BICRA: variants seen among roughly 807,000 people sequenced by gnomAD.
BICRA encodes the protein BRD4 interacting chromatin remodeling complex associated protein.
Under a neutral mutation model 96.9 loss-of-function variants are expected in BICRA, and 31 were observed. The ratio of observed to expected loss-of-function variants is 0.32; its 90% CI spans 0.24 to 0.43. The LOEUF (loss-of-function observed/expected upper bound fraction) is 0.43. Ranked by LOEUF, BICRA falls within the 20% of genes least tolerant of loss-of-function variation. The pLI is 1.00. For missense variants in BICRA, 2,283 were observed against 2,190.3 expected (o/e 1.04, Z -0.84); for synonymous variants, 1,350 against 1,071.8 (o/e 1.26, Z -5.07).
intron 2 of BICRA, among the ~76,000 whole-genome samples, chr19:47,671,798 G>T (rs1479020710): frequency 6.8e-6 from 1 of 146,454 alleles, no homozygotes; most frequent in African/African-American, 2.5e-5. Context: ...ATGGAGGGAT[G>T]GGTAGCTAGA....
intron 1 of BICRA, among the ~76,000 whole-genome samples, chr19:47,655,023 TC>T (rs1415749414): frequency 6.6e-6 from 1 of 152,028 alleles, no homozygotes; most frequent in Non-Finnish European, 1.5e-5. Context: ...AACCCCAAAA[TC>T]AATAACGCAC....
rs541044319 is a variant in BICRA at position 47,685,338 on chromosome 19, C to T, written c.2283+3186C>T. ...TAGTGCGCACAGGCAGGTGTGCACA[C>T]GAGCTGATTCTTAGTCACACACAGA... On this transcript the variant is annotated intron_variant, in intron 7 of 14. Coordinates refer to ENST00000594866, the MANE Select transcript of BICRA (RefSeq NM_001394372.1). Among the ~76,000 whole-genome samples the T allele has an allele frequency of 1.5e-4, 23 of 152,240 alleles. No individual in the cohort carries two copies. The South Asian group carries it at 2.1e-3, about 14-fold the overall frequency.
chr19:47,622,343 C>G (rs757457415), intron 1 of BICRA, among the ~76,000 whole-genome samples: 1 of 151,674 alleles, frequency 6.6e-6, no homozygotes, highest in Non-Finnish European at 1.5e-5. Context: ...GTGATCCTCT[C>G]GCCTTGGCCT....
chr19:47,681,121 C>G lies in BICRA; in HGVS notation c.1951C>G (p.Pro651Ala), dbSNP rs1973047248. 1.3e-6 allele frequency: 2 copies of G among 1,488,132 alleles called. No homozygotes were observed. Among genetic ancestry groups the G allele is most frequent in the Non-Finnish European group, 1.8e-6 (2 of 1,111,836 alleles). The allele number at this position is 1,488,132 out of a possible 1,614,324, so 92.2% of individuals were successfully genotyped here. A position where few individuals can be genotyped will look rare whatever the true frequency, so the allele number is the denominator to read the frequency against. Reference sequence around the variant, plus strand: ...GCAGGCGCAGCAGCCCCCGCAGGCCCCCACCCCACAGGCCGCCGCCCCGCC... The same window carrying G: ...GCAGGCGCAGCAGCCCCCGCAGGCCGCCACCCCACAGGCCGCCGCCCCGCC... The part of the protein sequence containing the change: ...QPQAQQPPQA[P>A]TPQAAAPPQA... The change falls in exon 6 of 15, where the codon CCC (proline) becomes GCC (alanine). Residue 651 changes from proline to alanine, a missense_variant. Pro to Ala is a conservative substitution (Grantham distance 27). Coordinates refer to ENST00000594866, the MANE Select transcript of BICRA (RefSeq NM_001394372.1).
chr19:47,614,240 G>T (rs1971951960), intron 1 of BICRA, among the ~76,000 whole-genome samples: 1 of 152,106 alleles, frequency 6.6e-6, no homozygotes, highest in Non-Finnish European at 1.5e-5. Flanking sequence ...CAGAATCCCT[G>T]GTCCCCTAGC....
intron 7 of BICRA, among the ~76,000 whole-genome samples, chr19:47,689,775 T>C (rs1218119827): frequency 3.3e-5 from 5 of 152,212 alleles, no homozygotes; most frequent in African/African-American, 1.2e-4. Flanking sequence ...AGTGCAAATA[T>C]GGTTTACGTT....
In BICRA at chr19:47,680,018, A is replaced by G. The variant is rs755501951; in HGVS notation, c.848A>G (p.Gln283Arg). The G allele has an allele frequency of 2.0e-6, 3 of 1,514,782 alleles. No homozygotes were observed. Among genetic ancestry groups the G allele is most frequent in the Non-Finnish European group, 2.6e-6 (3 of 1,142,822 alleles). The allele number at this position is 1,514,782 out of a possible 1,614,324, so 93.8% of individuals were successfully genotyped here. The change falls in exon 6 of 15, where the codon CAG (glutamine) becomes CGG (arginine). Residue 283 changes from glutamine to arginine, a missense_variant. Physicochemically the swap from Gln to Arg is conservative, Grantham distance 43. Coordinates refer to ENST00000594866, the MANE Select transcript of BICRA (RefSeq NM_001394372.1). ...VTLASAGVSP[Q>R]GAGLVIQKNL... The stretch of plus-strand genomic sequence containing the variant: ...CTGGCGTCGGCCGGTGTCTCGCCAC[A>G]GGGGGCTGGCCTGGTCATCCAGAAG...
At chr19:47,697,243 C>T (rs1973360424) in intron 11 of BICRA, among the ~76,000 whole-genome samples, 1 of 152,076 alleles carries the variant, frequency 6.6e-6, no homozygotes, top group Admixed American at 6.6e-5. Context: ...CTCGGCCTCC[C>T]AAGGTGCTGG....
At chr19:47,700,740 G>A (rs1271184231) in intron 14 of BICRA, 1 of 151,226 alleles carries the variant, frequency 6.6e-6, no homozygotes, top group African/African-American at 2.4e-5. Flanking sequence ...GTTGCAGTGA[G>A]GTGAGATGGC....
At chr19:47,645,964 G>A (rs561228349) in intron 1 of BICRA, among the ~76,000 whole-genome samples, 1 of 152,170 alleles carries the variant, frequency 6.6e-6, no homozygotes, top group East Asian at 1.9e-4. Context: ...CAGGCGTGGT[G>A]GCATGCGCCT....
chr19:47,613,425 C>T (rs1256707947), intron 1 of BICRA, among the ~76,000 whole-genome samples: 4 of 152,138 alleles, frequency 2.6e-5, no homozygotes, highest in African/African-American at 9.7e-5. Flanking sequence ...GGCAGAGGGG[C>T]TGCCATTTCC....
intron 1 of BICRA, among the ~76,000 whole-genome samples, chr19:47,611,179 C>T (rs1971901558): frequency 6.6e-6 from 1 of 152,148 alleles, no homozygotes; most frequent in South Asian, 2.1e-4. Flanking sequence ...ACTGTTAAGC[C>T]CTTCTTCTGT....
At chr19:47,700,946 G>A (rs1359577474) in intron 14 of BICRA, 10 of 252,014 alleles carry the variant, frequency 4.0e-5, no homozygotes. Flanking sequence ...TTGTTTTTTT[G>A]TTTGTTTGTT....
Position 47,679,648 on chromosome 19 carries a change from T to C in BICRA, c.478T>C (p.Phe160Leu), listed in dbSNP as rs1378801581. ...CGTGGCTGCGGGGCCCCAAGCCCTC[T>C]TCCCAGGCAGCACCGACCTGCTGGG... ...AAVAAGPQAL[F>L]PGSTDLLGLQ... is the part of the protein sequence containing the mutation. Residue 160 changes from phenylalanine to leucine, a missense_variant, in exon 6 of 15, where the codon TTC becomes CTC. By Grantham distance (22) the Phe-to-Leu change is conservative. Coordinates refer to ENST00000594866, the MANE Select transcript of BICRA (RefSeq NM_001394372.1). The C allele has an allele frequency of 6.6e-7, 1 of 1,513,000 alleles. No individual in the cohort carries two copies. Among genetic ancestry groups the C allele is most frequent in the Non-Finnish European group, 8.8e-7 (1 of 1,132,206 alleles). 93.7% of individuals were successfully genotyped at this position (1,513,000 alleles called of 1,614,324 possible). A position where few individuals can be genotyped will look rare whatever the true frequency, so the allele number is the denominator to read the frequency against.
intron 1 of BICRA, among the ~76,000 whole-genome samples, chr19:47,669,123 A>C (rs1367239967): frequency 2.6e-5 from 4 of 152,000 alleles, no homozygotes; most frequent in Non-Finnish European, 5.9e-5. Flanking sequence ...TAAATAAAAT[A>C]AAATAAAATA....
chr19:47,669,878 G>T (rs1004328962), intron 1 of BICRA, among the ~76,000 whole-genome samples: 3 of 151,790 alleles, frequency 2.0e-5, no homozygotes, highest in Admixed American at 1.3e-4. Flanking sequence ...GGATGGTCTC[G>T]ATCTCCTGAC....
intron 1 of BICRA, among the ~76,000 whole-genome samples, chr19:47,617,914 A>G (rs1403858010): frequency 1.3e-5 from 2 of 152,286 alleles, no homozygotes; most frequent in Admixed American, 1.3e-4. Context: ...TCTGGGATCC[A>G]GAATTTGTTT....
intron 1 of BICRA, among the ~76,000 whole-genome samples, chr19:47,664,916 G>C (rs1228036978): frequency 1.3e-5 from 2 of 152,176 alleles, no homozygotes; most frequent in Non-Finnish European, 2.9e-5. Context: ...CCCACTGGGT[G>C]GGGGGCAGCG....
chr19:47,609,017 GGCGGGGGCCCGGCA>G (rs1201750546), upstream of BICRA: 2 of 146,120 alleles, frequency 1.4e-5, no homozygotes, highest in African/African-American at 4.9e-5. Context: ...GCGGGGCGGC[GGCGGGGGCCCGGCA>G]GCGGCTGCCG....
Sources: allele counts gnomAD v4.1 joint callset (sites outside exome capture counted in the v4.1 genomes callset), GRCh38; gene constraint gnomAD v4.1.1; transcripts MANE v1.5; gene names NCBI Gene and HGNC (gene_info 2026-07-23, HGNC 2026-07-21).